The following SHQ1 variants were observed in gnomAD, a reference collection of about 807,000 sequenced individuals.
The protein encoded by SHQ1 is SHQ1, H/ACA ribonucleoprotein assembly factor.
SHQ1 carries 49 observed loss-of-function variants against 53.8 expected under a neutral mutation model. The ratio of observed to expected loss-of-function variants is 0.91; its 90% CI spans 0.72 to 1.16. SHQ1 has a LOEUF of 1.16. SHQ1 is among the 50% of genes most tolerant of loss of function. The pLI is 0.00. For synonymous variants in SHQ1, 243 were observed against 251.0 expected, an observed-to-expected ratio of 0.97 and a Z score of 0.30; for missense variants, 738 against 683.1, an observed-to-expected ratio of 1.08 and a Z score of -0.90.
intron 9 of SHQ1, among the ~76,000 whole-genome samples, chr3:72,803,950 CCT>C (rs1234050898): frequency 1.3e-5 from 2 of 152,070 alleles, no homozygotes; most frequent in Non-Finnish European, 2.9e-5. Flanking sequence ...AAGGTCTTAC[CCT>C]GTCACCCAAG....
At chr3:72,816,161 T>C (rs993488407) in intron 7 of SHQ1, among the ~76,000 whole-genome samples, 32 of 152,018 alleles carry the variant, frequency 2.1e-4, no homozygotes, top group Admixed American at 7.2e-4. Flanking sequence ...ACAAAAAAAA[T>C]TGGTACATAG....
chr3:72,824,935 A>G (rs1406105902), intron 5 of SHQ1, among the ~76,000 whole-genome samples: 1 of 151,968 alleles, frequency 6.6e-6, no homozygotes, highest in Non-Finnish European at 1.5e-5. Flanking sequence ...TCAAGTAGCT[A>G]TGACTATAGG....
chr3:72,730,240 C>T, the SHQ1 span, among the ~76,000 whole-genome samples: 2 of 152,122 alleles, frequency 1.3e-5, no homozygotes, highest in African/African-American at 4.8e-5. Context: ...CTCAGCCTCC[C>T]GAGTAGCTGG....
chr3:72,804,617 C>T (rs553144696), intron 9 of SHQ1, among the ~76,000 whole-genome samples: 7 of 152,178 alleles, frequency 4.6e-5, no homozygotes, highest in Non-Finnish European at 7.3e-5. Flanking sequence ...CTCCCTTGCA[C>T]GGAGAATAGA....
Position 72,817,403 on chromosome 3 carries a change from A to T in SHQ1, c.728-19T>A. On this transcript the variant is annotated intron_variant, in intron 6 of 10. Transcript: ENST00000325599. ...AAAGACACTAGAAGAAAACGCATTTAAAAACTAGATGTTTCATTCAGTTTT... is the reference window on the plus strand; with the variant it reads ...AAAGACACTAGAAGAAAACGCATTTTAAAACTAGATGTTTCATTCAGTTTT... 1 of 1,593,426 alleles carries T rather than the reference A, an allele frequency of 6.3e-7. No homozygotes were observed. Among genetic ancestry groups the T allele is most frequent in the Non-Finnish European group, 8.6e-7 (1 of 1,167,950 alleles).
chr3:72,800,037 C>T (rs955727929), intron 9 of SHQ1, among the ~76,000 whole-genome samples: 1 of 152,088 alleles, frequency 6.6e-6, no homozygotes, highest in Non-Finnish European at 1.5e-5. Context: ...AAAGTTAATC[C>T]CCAATGCAAC....
At chr3:72,733,062 G>A in the SHQ1 span, among the ~76,000 whole-genome samples, 79 of 151,712 alleles carry the variant, frequency 5.2e-4, 1 homozygote, top group African/African-American at 1.9e-3. Flanking sequence ...AAAGGAGGAG[G>A]AGGAGAGAGG....
intron 10 of SHQ1, among the ~76,000 whole-genome samples, chr3:72,777,806 T>C (rs931148604): frequency 6.6e-6 from 1 of 152,188 alleles, no homozygotes; most frequent in Non-Finnish European, 1.5e-5. Context: ...CATTTATTAG[T>C]GGTTCCACAG....
At chr3:72,819,048 T>C (rs1707401278) in intron 6 of SHQ1, among the ~76,000 whole-genome samples, 1 of 152,204 alleles carries the variant, frequency 6.6e-6, no homozygotes, top group African/African-American at 2.4e-5. Flanking sequence ...CCTTACACAG[T>C]GGACCCAGCT....
At chr3:72,752,008 A>G (rs1335363447) in intron 10 of SHQ1, among the ~76,000 whole-genome samples, 1 of 152,214 alleles carries the variant, frequency 6.6e-6, no homozygotes, top group Non-Finnish European at 1.5e-5. Flanking sequence ...TGTATGACAT[A>G]GGTCTGAGGT....
intron 10 of SHQ1, among the ~76,000 whole-genome samples, chr3:72,776,530 C>T (rs1705960730): frequency 6.6e-6 from 1 of 151,986 alleles, no homozygotes; most frequent in Non-Finnish European, 1.5e-5. Flanking sequence ...GAACGTATCC[C>T]TATCATTAAG....
Position 72,832,410 on chromosome 3 carries a change from GC to G in SHQ1, c.557del (p.Arg186ProfsTer15). 1 of 1,612,782 alleles carries G rather than the reference GC, an allele frequency of 6.2e-7. No individual in the cohort carries two copies. The highest frequency in any genetic ancestry group is 8.5e-7 in the Non-Finnish European group (1 of 1,179,990). ...CAAACTTGGCCAGCTCAGCGGCCAG[GC>G]GCTTCTGTCTTCGTTCAGCTGCAGG... ...FTPAAERRQK[R>X]LAAELAKFDP... On this transcript the variant is annotated frameshift_variant, in exon 5 of 11. Coordinates refer to ENST00000325599, the MANE Select transcript of SHQ1 (RefSeq NM_018130.3). LOFTEE classifies it high-confidence loss of function.
At position 72,817,359 on chromosome 3, in the gene SHQ1, A is replaced by C. The variant is rs1218425097; in HGVS notation, c.753T>G (p.Tyr251Ter). Reference protein sequence around the residue: ...TLVSFSEEEKYQLRKFVNKSY... With the variant: ...TLVSFSEEEK Reference sequence around the variant, plus strand: ...ATTTATTGACAAATTTTCGTAGCTGATACTTCTCTTCTTCAGAAAAAGACA... The same window carrying C: ...ATTTATTGACAAATTTTCGTAGCTGCTACTTCTCTTCTTCAGAAAAAGACA... The change falls in exon 7 of 11, where the codon TAT becomes TAG. Residue 251 changes from tyrosine (Y) to a stop codon, truncating the protein, a stop_gained. Transcript: ENST00000325599. LOFTEE classifies it high-confidence loss of function. 1 of 1,611,752 alleles carries C rather than the reference A, an allele frequency of 6.2e-7. No individual in the cohort carries two copies. The highest frequency in any genetic ancestry group is 2.2e-5 in the East Asian group (1 of 44,784).
intron 6 of SHQ1, among the ~76,000 whole-genome samples, chr3:72,817,913 T>C (rs1707369275): frequency 6.6e-6 from 1 of 152,160 alleles, no homozygotes; most frequent in South Asian, 2.1e-4. Flanking sequence ...GTTTTACATA[T>C]GACCACATCA....
At chr3:72,733,122 A>C in the SHQ1 span, among the ~76,000 whole-genome samples, 1 of 151,590 alleles carries the variant, frequency 6.6e-6, no homozygotes, top group Non-Finnish European at 1.5e-5. Context: ...CTCAACGGGC[A>C]TCTCTAGCAA....
At chr3:72,841,255 G>T in intron 3 of SHQ1, 56 bp from the exon 4 acceptor site, 1 of 1,381,610 alleles carries the variant, frequency 7.2e-7, no homozygotes, top group Non-Finnish European at 9.8e-7. Context: ...ACAACTAGGG[G>T]AAGAAAAAGT....
chr3:72,772,103 G>A (rs1705865830), intron 10 of SHQ1, among the ~76,000 whole-genome samples: 2 of 152,134 alleles, frequency 1.3e-5, no homozygotes, highest in African/African-American at 4.8e-5. Flanking sequence ...ATCATCAAGA[G>A]GAGTGATGTC....
chr3:72,734,294 T>C, the SHQ1 span, among the ~76,000 whole-genome samples: 1 of 151,234 alleles, frequency 6.6e-6, no homozygotes, highest in African/African-American at 2.4e-5. Flanking sequence ...TCTCGCTCTG[T>C]TGCCCAGGCT....
At chr3:72,802,942 G>A (rs759660707) in intron 9 of SHQ1, among the ~76,000 whole-genome samples, 52 of 152,096 alleles carry the variant, frequency 3.4e-4, no homozygotes, top group Admixed American at 1.1e-3. Flanking sequence ...TAGACAATGC[G>A]GGACATCTCT....
Sources: allele counts gnomAD v4.1 joint callset (sites outside exome capture counted in the v4.1 genomes callset), GRCh38; gene constraint gnomAD v4.1.1; transcripts MANE v1.5; gene names NCBI Gene and HGNC (gene_info 2026-07-23, HGNC 2026-07-21).